The following ANKRD12 variants were observed in gnomAD, a reference collection of about 807,000 sequenced individuals.
ANKRD12 encodes ankyrin repeat domain 12.
In ANKRD12, 85 loss-of-function variants were observed where a neutral mutation model predicts 183.4. The observed-to-expected ratio is 0.46, with a 90% CI of 0.39 to 0.56. The LOEUF (loss-of-function observed/expected upper bound fraction) is 0.56. Among genes scored for constraint, ANKRD12 ranks in the 20% least tolerant of loss-of-function variants. The pLI, the probability that ANKRD12 is intolerant of heterozygous loss-of-function variation, is 0.00. For synonymous variants in ANKRD12, 914 were observed against 800.2 expected, an observed-to-expected ratio of 1.14 and a Z score of -2.40; for missense variants, 2,405 against 2,357.1, an observed-to-expected ratio of 1.02 and a Z score of -0.42.
intron 3 of ANKRD12, among the ~76,000 whole-genome samples, chr18:9,197,274 T>C (rs1399764325): frequency 6.6e-6 from 1 of 152,230 alleles, no homozygotes; most frequent in Non-Finnish European, 1.5e-5. Context: ...ATATACACTT[T>C]TCCCCCTTAG....
intron 8 of ANKRD12, among the ~76,000 whole-genome samples, chr18:9,252,707 G>A (rs964272683): frequency 6.6e-6 from 1 of 152,178 alleles, no homozygotes; most frequent in Admixed American, 6.5e-5. Context: ...GCTCGTGCCT[G>A]TATTCCCAGC....
intron 1 of ANKRD12, among the ~76,000 whole-genome samples, chr18:9,171,481 G>A (rs757009522): frequency 6.6e-6 from 1 of 152,136 alleles, no homozygotes; most frequent in African/African-American, 2.4e-5. Flanking sequence ...ATGCTAGCTG[G>A]TTATTTGTTA....
At chr18:9,179,853 G>T (rs1460506805) in intron 1 of ANKRD12, among the ~76,000 whole-genome samples, 1 of 152,162 alleles carries the variant, frequency 6.6e-6, no homozygotes, top group Non-Finnish European at 1.5e-5. Flanking sequence ...AGCAAACTTT[G>T]TATGGTTTTA....
At chr18:9,210,450 G>A (rs2035730599) in intron 5 of ANKRD12, among the ~76,000 whole-genome samples, 1 of 151,832 alleles carries the variant, frequency 6.6e-6, no homozygotes, top group African/African-American at 2.4e-5. Flanking sequence ...GCCGGGCATG[G>A]TAGCTCGAGC....
At chr18:9,264,390 T>C (rs1340450972) in intron 10 of ANKRD12, among the ~76,000 whole-genome samples, 2 of 152,254 alleles carry the variant, frequency 1.3e-5, no homozygotes, top group Non-Finnish European at 2.9e-5. Flanking sequence ...TACAAAAATA[T>C]GTTTAACCTT....
At chr18:9,280,602 G>A (rs1178219843) in intron 12 of ANKRD12, among the ~76,000 whole-genome samples, 5 of 152,168 alleles carry the variant, frequency 3.3e-5, no homozygotes, top group African/African-American at 7.2e-5. Flanking sequence ...CAGCCCGGCC[G>A]ACATGGTGAA....
At chr18:9,177,440 GT>G (rs2033362532) in intron 1 of ANKRD12, among the ~76,000 whole-genome samples, 2 of 147,940 alleles carry the variant, frequency 1.4e-5, no homozygotes, top group South Asian at 4.3e-4. Context: ...AAAATTAATC[GT>G]TTAATTGACC....
intron 1 of ANKRD12, among the ~76,000 whole-genome samples, chr18:9,165,920 T>C (rs1273335653): frequency 7.0e-6 from 1 of 142,504 alleles, no homozygotes; most frequent in African/African-American, 2.6e-5. Context: ...CCTTCCTGTG[T>C]CCAAGTGTTC....
intron 8 of ANKRD12, chr18:9,250,008 T>C (rs544417972): frequency 6.6e-6 from 1 of 152,330 alleles, no homozygotes; most frequent in South Asian, 2.1e-4. Context: ...GAAAAACTGC[T>C]TAGTAGCTCA....
chr18:9,208,812 T>G lies in ANKRD12; in HGVS notation c.451+9T>G. The G allele has an allele frequency of 6.5e-7, 1 of 1,542,370 alleles. No individual in the cohort carries two copies. The highest frequency in any genetic ancestry group is 8.7e-7 in the Non-Finnish European group (1 of 1,143,228). ...AAGAGACAACAGTCCAGGTGATACC[T>G]ACCATCATTGAGTTAATGTGTATCC... On this transcript the variant is annotated intron_variant, in intron 5 of 12. Coordinates refer to ENST00000262126, the MANE Select transcript of ANKRD12 (RefSeq NM_015208.5).
intron 8 of ANKRD12, among the ~76,000 whole-genome samples, chr18:9,241,948 A>G (rs1309758600): frequency 6.6e-6 from 1 of 151,758 alleles, no homozygotes; most frequent in Non-Finnish European, 1.5e-5. Context: ...GGAAAAAAGG[A>G]AAGAAATTGC....
intron 1 of ANKRD12, among the ~76,000 whole-genome samples, chr18:9,167,442 A>T (rs2032197150): frequency 6.6e-6 from 1 of 152,082 alleles, no homozygotes; most frequent in Non-Finnish European, 1.5e-5. Context: ...CATCCCTTGT[A>T]AGTTGGATTC....
intron 10 of ANKRD12, among the ~76,000 whole-genome samples, chr18:9,269,644 T>G (rs1316067965): frequency 6.6e-6 from 1 of 152,188 alleles, no homozygotes; most frequent in Non-Finnish European, 1.5e-5. Context: ...GACTTAAATG[T>G]TAGACCTAAA....
At chr18:9,262,982 A>G (rs1427250195) in intron 9 of ANKRD12, among the ~76,000 whole-genome samples, 1 of 151,622 alleles carries the variant, frequency 6.6e-6, no homozygotes, top group African/African-American at 2.4e-5. Flanking sequence ...TATTTTTAGT[A>G]GAGACAGGAC....
chr18:9,257,390 G>A lies in ANKRD12; in HGVS notation c.4123G>A (p.Gly1375Arg). The change falls in exon 9 of 13, where the codon GGA becomes AGA. Residue 1375 changes from glycine to arginine, a missense_variant. This residue lies in a region of ANKRD12 where 1,983 missense variants were observed against 1,725.9 expected (regional missense o/e 1.15). Coordinates refer to ENST00000262126, the MANE Select transcript of ANKRD12 (RefSeq NM_015208.5). ...IHSSFATSPT[G>R]ASNSKYVSAD... ...TTCCAGTTTTGCAACTTCTCCAACTGGAGCTTCAAACAGCAAGTATGTTTC... is the reference window on the plus strand; with the variant it reads ...TTCCAGTTTTGCAACTTCTCCAACTAGAGCTTCAAACAGCAAGTATGTTTC... The A allele has an allele frequency of 6.2e-7, 1 of 1,614,062 alleles. No homozygotes were observed. The highest frequency in any genetic ancestry group is 8.5e-7 in the Non-Finnish European group (1 of 1,180,004).
At chr18:9,187,758 AG>A (rs1209030371) in intron 2 of ANKRD12, among the ~76,000 whole-genome samples, 2 of 152,204 alleles carry the variant, frequency 1.3e-5, no homozygotes, top group Non-Finnish European at 2.9e-5. Context: ...AAATTTGCAA[AG>A]CAGAATCTTT....
chr18:9,138,176 G>C (rs902566924), intron 1 of ANKRD12, among the ~76,000 whole-genome samples: 1 of 152,230 alleles, frequency 6.6e-6, no homozygotes, highest in African/African-American at 2.4e-5. Context: ...ATAAAGAAAG[G>C]CTAGTGAAAT....
chr18:9,250,574 T>C (rs1174988504), intron 8 of ANKRD12, among the ~76,000 whole-genome samples: 4 of 151,852 alleles, frequency 2.6e-5, no homozygotes, highest in Admixed American at 6.6e-5. Context: ...AAGAAACTAG[T>C]CGGGTATGGT....
At chr18:9,232,935 T>G (rs1041375217) in intron 8 of ANKRD12, among the ~76,000 whole-genome samples, 29 of 151,564 alleles carry the variant, frequency 1.9e-4, no homozygotes, top group Non-Finnish European at 3.4e-4. Context: ...CTACAACCTC[T>G]GCCTCCCAGG....
Sources: gnomAD v4.1 joint callset for allele counts (sites outside exome capture counted in the v4.1 genomes callset) on GRCh38, gnomAD v4.1.1 for gene constraint, gnomAD v4.1.1 regional missense constraint, MANE v1.5 for transcripts, NCBI Gene and HGNC (gene_info 2026-07-23, HGNC 2026-07-21) for gene names.